Variants in TEX10 observed in about 807,000 individuals in gnomAD.
The protein encoded by TEX10 is testis expressed 10.
A neutral mutation model predicts 104.4 loss-of-function variants in TEX10; 24 were observed. The observed-to-expected ratio is 0.23, with a 90% confidence interval of 0.17 to 0.32. The LOEUF is 0.32. TEX10 is among the 10% of genes least tolerant of loss of function. The pLI, the probability that TEX10 is intolerant of heterozygous loss-of-function variation, is 1.00. For missense variants in TEX10, 921 were observed against 1,083.9 expected, an observed-to-expected ratio of 0.85 and a Z score of 2.11; for synonymous variants, 396 against 393.4, an observed-to-expected ratio of 1.01 and a Z score of -0.08.
rs183937529 is a variant in TEX10 at position 100,304,097 on chromosome 9, G to A, written c.2466-255C>T. The A allele has an allele frequency of 9.5e-6, 5 of 525,976 alleles. No homozygotes were observed. In the East Asian group the frequency reaches 1.7e-4, roughly 17 times the overall value. The allele number at this position is 525,976 out of a possible 1,614,324, so 32.6% of individuals were successfully genotyped here. A position where few individuals can be genotyped will look rare whatever the true frequency, so the allele number is the denominator to read the frequency against. On this transcript the variant is annotated intron_variant, in intron 13 of 14. Coordinates refer to ENST00000374902, the MANE Select transcript of TEX10 (RefSeq NM_017746.4). Reference sequence around the variant, plus strand: ...CAGAACACTGCTGAGAGAAATCACAGATGACACAGATAAATGGAAAAACAT... The same window carrying A: ...CAGAACACTGCTGAGAGAAATCACAAATGACACAGATAAATGGAAAAACAT...
intron 5 of TEX10, among the ~76,000 whole-genome samples, chr9:100,333,195 C>G (rs919449465): frequency 3.9e-5 from 6 of 151,954 alleles, no homozygotes; most frequent in African/African-American, 1.5e-4. Flanking sequence ...AACTCCTGAC[C>G]TCAAGTGATC....
intron 1 of TEX10, 129 bp from the exon 2 acceptor site, chr9:100,349,501 G>T (rs865936915): frequency 3.4e-6 from 2 of 590,922 alleles, no homozygotes; most frequent in Admixed American, 8.1e-5. Flanking sequence ...TATGCTGAAA[G>T]ATCAAAATAT....
At chr9:100,314,733 GTTA>G (rs1370671238) in intron 11 of TEX10, among the ~76,000 whole-genome samples, 4 of 152,116 alleles carry the variant, frequency 2.6e-5, no homozygotes, top group Middle Eastern at 3.4e-3. Flanking sequence ...TCTAATCTTT[GTTA>G]TTTCTTGTCT....
chr9:100,349,241 A>G lies in TEX10; in HGVS notation c.123T>C (p.Pro41=), dbSNP rs1835379280. The part of the protein sequence containing the change: ...TNFKTKTIHL[P]EQLKEDGTLP... ...GTGTTCCATCCTCTTTGAGTTGCTC[A>G]GGCAGATGTATAGTCTTTGTTTTAA... The change falls in exon 2 of 15, where the codon CCT becomes CCC. Residue 41 remains proline, a synonymous_variant. Transcript: ENST00000374902. 6.3e-7 allele frequency: 1 copy of G among 1,594,752 alleles called. No individual in the cohort carries two copies. The highest frequency in any genetic ancestry group is 1.4e-5 in the African/African-American group (1 of 73,836).
Position 100,326,453 on chromosome 9 carries a change from G to C in TEX10, c.1828C>G (p.Leu610Val). 6.2e-7 allele frequency: 1 copy of C among 1,613,660 alleles called. No individual in the cohort carries two copies. The highest frequency in any genetic ancestry group is 1.3e-5 in the African/African-American group (1 of 74,912). The change falls in exon 9 of 15, where the codon CTC becomes GTC. Residue 610 changes from leucine (L) to valine (V), a missense_variant. This residue lies in a region of TEX10 where 753 missense variants were observed against 868.4 expected (regional missense o/e 0.87). Coordinates refer to ENST00000374902, the MANE Select transcript of TEX10 (RefSeq NM_017746.4). ...YDPQEGAVVV[L>V]PADSQQRLVQ... ...AAACGCTGCTGAGAGTCTGCAGGGA[G>C]AACCACCACAGCACCTTCTTGTGGA...
At chr9:100,337,326 T>G (rs76639539) in intron 5 of TEX10, among the ~76,000 whole-genome samples, 1 of 152,170 alleles carries the variant, frequency 6.6e-6, no homozygotes, top group Non-Finnish European at 1.5e-5. Flanking sequence ...TTTTCAATAA[T>G]TTATTTACAC....
chr9:100,316,638 G>T (rs1834425164), intron 11 of TEX10, among the ~76,000 whole-genome samples: 2 of 152,068 alleles, frequency 1.3e-5, no homozygotes, highest in Admixed American at 1.3e-4. Context: ...GTCTCGCTCT[G>T]TTGCCCCAAC....
intron 5 of TEX10, among the ~76,000 whole-genome samples, chr9:100,337,587 A>G (rs531294592): frequency 1.3e-5 from 2 of 152,342 alleles, no homozygotes; most frequent in African/African-American, 4.8e-5. Flanking sequence ...CCTCAACTCC[A>G]GAAGCTCCCT....
intron 1 of TEX10, among the ~76,000 whole-genome samples, chr9:100,349,700 C>T (rs1267925347): frequency 6.6e-6 from 1 of 151,982 alleles, no homozygotes; most frequent in Admixed American, 6.6e-5. Flanking sequence ...AGGAGAGCAG[C>T]ACAGACTTCC....
At chr9:100,311,811 A>T (rs571001238) in intron 11 of TEX10, among the ~76,000 whole-genome samples, 1 of 152,346 alleles carries the variant, frequency 6.6e-6, no homozygotes, top group South Asian at 2.1e-4. Flanking sequence ...CTGATACAGT[A>T]TACTACCAAA....
At chr9:100,331,833 G>A (rs1834869445) in intron 5 of TEX10, among the ~76,000 whole-genome samples, 1 of 152,028 alleles carries the variant, frequency 6.6e-6, no homozygotes, top group African/African-American at 2.4e-5. Flanking sequence ...CAAGAACCAG[G>A]GTCAATACTG....
chr9:100,302,154 G>C lies in TEX10; in HGVS notation c.*37C>G. 1 of 1,258,974 alleles carries C rather than the reference G, an allele frequency of 7.9e-7. No individual in the cohort carries two copies. The highest frequency in any genetic ancestry group is 1.1e-6 in the Non-Finnish European group (1 of 899,766). 78.0% of individuals were successfully genotyped at this position (1,258,974 alleles called of 1,614,324 possible). On this transcript the variant is annotated 3_prime_UTR_variant, in exon 15 of 15. Coordinates refer to ENST00000374902, the MANE Select transcript of TEX10 (RefSeq NM_017746.4). ...CTTTTTCTTCAAATAAGATAGATGTGAATAAACAACTTCAAACAGGAGGTA... is the reference window on the plus strand; with the variant it reads ...CTTTTTCTTCAAATAAGATAGATGTCAATAAACAACTTCAAACAGGAGGTA...
intron 5 of TEX10, among the ~76,000 whole-genome samples, chr9:100,339,335 T>C (rs1247417375): frequency 1.5e-5 from 2 of 133,970 alleles, no homozygotes; most frequent in Non-Finnish European, 3.1e-5. Context: ...TATTTATATA[T>C]TATATATAAT....
intron 12 of TEX10, among the ~76,000 whole-genome samples, chr9:100,309,456 T>C (rs1405957643): frequency 6.6e-6 from 1 of 152,180 alleles, no homozygotes; most frequent in African/African-American, 2.4e-5. Context: ...GACTGGCATA[T>C]TGATCTTTTA....
chr9:100,343,792 T>C (rs992799076), intron 4 of TEX10, among the ~76,000 whole-genome samples: 24 of 152,256 alleles, frequency 1.6e-4, no homozygotes, highest in Middle Eastern at 3.4e-3. Flanking sequence ...AGAGTTACAA[T>C]TCAGCTTGTG....
intron 4 of TEX10, among the ~76,000 whole-genome samples, chr9:100,343,598 TAAAA>T (rs760704164): frequency 7.2e-6 from 1 of 138,400 alleles, no homozygotes; most frequent in Non-Finnish European, 1.6e-5. Context: ...CTAAAAAGTT[TAAAA>T]AAAAAAAAAA....
chr9:100,315,973 A>G (rs1041184009), intron 11 of TEX10, among the ~76,000 whole-genome samples: 3 of 152,194 alleles, frequency 2.0e-5, no homozygotes, highest in African/African-American at 7.2e-5. Context: ...GTTTTCATCA[A>G]TTACTTTGTT....
At position 100,340,356 on chromosome 9, in the gene TEX10, C is replaced by T. The variant is rs749205757; in HGVS notation, c.1151G>A (p.Arg384Gln). The T allele has an allele frequency of 6.4e-7, 1 of 1,556,096 alleles. No individual in the cohort carries two copies. Among genetic ancestry groups the T allele is most frequent in the South Asian group, 1.3e-5 (1 of 79,682 alleles). The change falls in exon 5 of 15, where the codon CGA becomes CAA. Residue 384 changes from arginine to glutamine, a missense_variant. Physicochemically the swap from Arg to Gln is conservative, Grantham distance 43. Coordinates refer to ENST00000374902, the MANE Select transcript of TEX10 (RefSeq NM_017746.4). ...TTTAAAATCAATAAGGTAGTTCTTT[C>T]GAAGCCATGACTCCTATTGAAATAG... ...DETHKLESWL[R>Q]KNYLIDFKHH...
intron 5 of TEX10, among the ~76,000 whole-genome samples, chr9:100,339,783 T>C (rs1403951804): frequency 6.6e-6 from 1 of 152,156 alleles, no homozygotes; most frequent in Non-Finnish European, 1.5e-5. Flanking sequence ...ACTTTTTTTT[T>C]TTTAACTTTC....
Sources: allele counts gnomAD v4.1 joint callset (sites outside exome capture counted in the v4.1 genomes callset), GRCh38; gene constraint gnomAD v4.1.1; regional missense constraint gnomAD v4.1.1; transcripts MANE v1.5; gene names NCBI Gene and HGNC (gene_info 2026-07-23, HGNC 2026-07-21).